The following PARVA variants were observed in gnomAD, a reference collection of about 807,000 sequenced individuals.
PARVA encodes parvin alpha, also known as alpha-parvin.
In PARVA, 25 loss-of-function variants were observed where a neutral mutation model predicts 52.6. That is an observed-to-expected ratio of 0.48 (90% CI 0.35 to 0.66). The LOEUF (loss-of-function observed/expected upper bound fraction) is 0.66. Ranked by LOEUF, PARVA falls within the 30% of genes least tolerant of loss-of-function variation. PARVA has a pLI of 0.01. For missense variants in PARVA, 373 were observed against 450.9 expected, an observed-to-expected ratio of 0.83 and a Z score of 1.56; for synonymous variants, 185 against 179.1, an observed-to-expected ratio of 1.03 and a Z score of -0.26.
intron 1 of PARVA, among the ~76,000 whole-genome samples, chr11:12,404,953 T>C (rs1939880287): frequency 6.6e-6 from 1 of 152,224 alleles, no homozygotes. Flanking sequence ...GTCATTCACA[T>C]GTGTCTAGTT....
intron 1 of PARVA, among the ~76,000 whole-genome samples, chr11:12,390,269 G>A (rs769493724): frequency 4.6e-5 from 7 of 152,182 alleles, no homozygotes; most frequent in African/African-American, 9.7e-5. Flanking sequence ...CATGGTTTTG[G>A]CCGTGCGATG....
At chr11:12,410,083 C>G (rs1045005179) in intron 1 of PARVA, among the ~76,000 whole-genome samples, 4 of 152,172 alleles carry the variant, frequency 2.6e-5, no homozygotes, top group African/African-American at 9.7e-5. Context: ...CTCTCAAGTA[C>G]ACTGGTGAAG....
chr11:12,423,819 G>A (rs1940187847), intron 1 of PARVA, among the ~76,000 whole-genome samples: 1 of 152,132 alleles, frequency 6.6e-6, no homozygotes, highest in African/African-American at 2.4e-5. Context: ...TATTTTAGTA[G>A]AGTCTTTGTC....
At position 12,528,225 on chromosome 11, in the gene PARVA, G is replaced by A; in HGVS notation, c.*300G>A. The A allele has an allele frequency of 2.2e-6, 1 of 450,282 alleles. No individual in the cohort carries two copies. The allele number at this position is 450,282 out of a possible 1,614,324, so 27.9% of individuals were successfully genotyped here. ...GATTTGGGAACCAGCTTAGGCAAAA[G>A]AGTCCCCACAAGATGAAAATAAAGA... is the stretch of plus-strand genomic sequence containing the variant. On this transcript the variant is annotated 3_prime_UTR_variant, in exon 13 of 13. Coordinates refer to ENST00000334956, the MANE Select transcript of PARVA (RefSeq NM_018222.5).
intron 1 of PARVA, among the ~76,000 whole-genome samples, chr11:12,385,338 T>A (rs1255845188): frequency 6.6e-6 from 1 of 151,958 alleles, no homozygotes; most frequent in African/African-American, 2.4e-5. Flanking sequence ...CAATAAATAA[T>A]AAATAAATAA....
At chr11:12,479,186 C>T (rs903756354) in intron 4 of PARVA, 1 of 152,226 alleles carries the variant, frequency 6.6e-6, no homozygotes, top group East Asian at 1.9e-4. Context: ...CCTTCTGCCT[C>T]TAAGGCCTGC....
chr11:12,377,622 C>G lies in PARVA; in HGVS notation c.-26C>G. 1.3e-6 allele frequency: 2 copies of G among 1,559,920 alleles called. No individual in the cohort carries two copies. The highest frequency in any genetic ancestry group is 1.2e-5 in the South Asian group (1 of 84,488). On this transcript the variant is annotated 5_prime_UTR_variant, in exon 1 of 13. Transcript: ENST00000334956. ...CCCAGCGCCAGCTCCGCGTCCCGAC[C>G]GGCCCGCGGCAGCCTGCGCCGCGCC...
At chr11:12,415,211 T>A (rs567057610) in intron 1 of PARVA, among the ~76,000 whole-genome samples, 1 of 152,302 alleles carries the variant, frequency 6.6e-6, no homozygotes, top group Admixed American at 6.5e-5. Flanking sequence ...AATCTGTGAA[T>A]ACCCCCAAAA....
intron 4 of PARVA, among the ~76,000 whole-genome samples, chr11:12,483,947 T>G (rs1022381491): frequency 6.6e-6 from 1 of 152,150 alleles, no homozygotes; most frequent in African/African-American, 2.4e-5. Context: ...AAAAGTCACC[T>G]CATTTCTTGT....
At position 12,531,272 on chromosome 11, in the gene PARVA, T is replaced by C. The variant is rs1941769288; in HGVS notation, c.*3347T>C. Among the ~76,000 whole-genome samples, 1 of 152,242 alleles carries C rather than the reference T, an allele frequency of 6.6e-6. No individual in the cohort carries two copies. The highest frequency in any genetic ancestry group is 2.1e-4 in the South Asian group (1 of 4,830). On this transcript the variant is annotated 3_prime_UTR_variant, in exon 13 of 13. Coordinates refer to ENST00000334956, the MANE Select transcript of PARVA (RefSeq NM_018222.5). ...CATCATCAGTGTTGCCTCGAGTTGG[T>C]TGCAATTTTCAATTGCTGCTATTGG...
chr11:12,518,614 G>GC, intron 12 of PARVA, 97 bp downstream of exon 12: 6 of 887,286 alleles, frequency 6.8e-6, no homozygotes, highest in African/African-American at 1.6e-5. Flanking sequence ...ATTTTCTGAA[G>GC]CCTTCGTTGC....
At chr11:12,393,060 A>AG (rs1456161070) in intron 1 of PARVA, among the ~76,000 whole-genome samples, 19 of 151,532 alleles carry the variant, frequency 1.3e-4, no homozygotes, top group African/African-American at 3.6e-4. Context: ...AAAAAAAAAA[A>AG]AAAAAAAGAA....
At position 12,496,583 on chromosome 11, in the gene PARVA, A is replaced by C; in HGVS notation, c.526A>C (p.Lys176Gln). The change falls in exon 5 of 13, where the codon AAG becomes CAG. Residue 176 changes from lysine to glutamine, a missense_variant. By Grantham distance (53) the Lys-to-Gln change is moderately conservative (BLOSUM62 1). Coordinates refer to ENST00000334956, the MANE Select transcript of PARVA (RefSeq NM_018222.5). ...ETLKLPPRSI[K>Q]WNVDSVHAKS... is the part of the protein sequence containing the mutation. ...CCTGAAACTTCCTCCCAGGAGCATCAAGTGGAATGTGGATTGTGAGTTGAA... is the reference window on the plus strand; with the variant it reads ...CCTGAAACTTCCTCCCAGGAGCATCCAGTGGAATGTGGATTGTGAGTTGAA... 1 of 1,612,216 alleles carries C rather than the reference A, an allele frequency of 6.2e-7. No individual in the cohort carries two copies. Among genetic ancestry groups the C allele is most frequent in the Non-Finnish European group, 8.5e-7 (1 of 1,179,336 alleles).
chr11:12,483,348 G>C (rs559157045), intron 4 of PARVA, among the ~76,000 whole-genome samples: 1 of 152,160 alleles, frequency 6.6e-6, no homozygotes, highest in Non-Finnish European at 1.5e-5. Context: ...ACCTTAAAAC[G>C]TACAAATAAC....
intron 1 of PARVA, among the ~76,000 whole-genome samples, chr11:12,427,401 C>T (rs1324599525): frequency 6.6e-6 from 1 of 152,218 alleles, no homozygotes; most frequent in Admixed American, 6.5e-5. Context: ...CTTCATGACC[C>T]TGTTCAAATC....
intron 8 of PARVA, among the ~76,000 whole-genome samples, chr11:12,512,047 T>C (rs545841035): frequency 6.6e-6 from 1 of 152,288 alleles, no homozygotes; most frequent in Admixed American, 6.5e-5. Context: ...GCTAAAATAT[T>C]TCTAGGTATT....
At chr11:12,432,881 T>C (rs143432003) in intron 1 of PARVA, among the ~76,000 whole-genome samples, 1,568 of 152,324 alleles carry the variant, frequency 0.01, 16 homozygotes, top group African/African-American at 0.028. Flanking sequence ...GCTTAGGTCC[T>C]GTGGTTACAC....
At chr11:12,413,697 C>T (rs1227875751) in intron 1 of PARVA, among the ~76,000 whole-genome samples, 4 of 152,164 alleles carry the variant, frequency 2.6e-5, no homozygotes, top group African/African-American at 7.2e-5. Flanking sequence ...TGAGGTGCCC[C>T]GTAGGCTCCA....
chr11:12,524,160 G>A (rs1294864893), intron 12 of PARVA, among the ~76,000 whole-genome samples: 1 of 152,220 alleles, frequency 6.6e-6, no homozygotes, highest in African/African-American at 2.4e-5. Context: ...TGCACAGACT[G>A]CACGGCTATA....
Sources: allele counts gnomAD v4.1 joint callset (sites outside exome capture counted in the v4.1 genomes callset), GRCh38; gene constraint gnomAD v4.1.1; transcripts MANE v1.5; gene names NCBI Gene and HGNC (gene_info 2026-07-23, HGNC 2026-07-21).